SIPA1L3: variants seen among roughly 807,000 people sequenced by gnomAD.
The protein encoded by SIPA1L3 is signal induced proliferation associated 1 like 3, also known as signal-induced proliferation-associated 1-like protein 3.
A neutral mutation model predicts 150.1 loss-of-function variants in SIPA1L3; 59 were observed. The ratio of observed to expected loss-of-function variants is 0.39; its 90% CI spans 0.32 to 0.49. The LOEUF (loss-of-function observed/expected upper bound fraction) is 0.49, where lower values mean the gene tolerates loss of function less well. Ranked by LOEUF, SIPA1L3 falls within the 20% of genes least tolerant of loss-of-function variation. The pLI is 0.86. For synonymous variants in SIPA1L3, 1,070 were observed against 1,077.6 expected, an observed-to-expected ratio of 0.99 and a Z score of 0.14; for missense variants, 2,211 against 2,489.5, an observed-to-expected ratio of 0.89 and a Z score of 2.38.
At position 38,102,280 on chromosome 19, in the gene SIPA1L3, C is replaced by T. The variant is rs538105069; in HGVS notation, c.2029+1054C>T. Among the ~76,000 whole-genome samples the T allele has an allele frequency of 4.1e-5, 6 of 147,190 alleles. No homozygotes were observed. In the South Asian group the frequency reaches 1.3e-3, roughly 32 times the overall value. ...CAGGTTGGTCTTGAACTGCTGACCT[C>T]GTGATCTGCCCACCTCGGCCTCCCA... is the stretch of plus-strand genomic sequence containing the variant. On this transcript the variant is annotated intron_variant, in intron 6 of 21. Transcript: ENST00000222345.
In SIPA1L3 at chr19:38,187,768, C is replaced by T. The variant is rs912125839; in HGVS notation, c.4431-4377C>T. Among the ~76,000 whole-genome samples, 31 of 145,004 alleles carry T rather than the reference C, an allele frequency of 2.1e-4. No homozygotes were observed. The Admixed American group carries it at 2.1e-3, about 10-fold the overall frequency. On this transcript the variant is annotated intron_variant, in intron 16 of 21. Coordinates refer to ENST00000222345, the MANE Select transcript of SIPA1L3 (RefSeq NM_015073.3). ...AAGGAAAAAAAAACTTTTTTCAAGG[C>T]GAGTGGATCACCTGAGGTCAGGAGT...
At chr19:38,086,289 T>C (rs923231245) in intron 3 of SIPA1L3, among the ~76,000 whole-genome samples, 1 of 152,270 alleles carries the variant, frequency 6.6e-6, no homozygotes, top group South Asian at 2.1e-4. Context: ...TTAAAATACT[T>C]AGTTCTTTGT....
At chr19:37,941,699 C>T (rs1032451155) in intron 1 of SIPA1L3, among the ~76,000 whole-genome samples, 2 of 152,178 alleles carry the variant, frequency 1.3e-5, no homozygotes, top group African/African-American at 2.4e-5. Context: ...CTCTCTCTTT[C>T]CCCTGTCGTG....
intron 1 of SIPA1L3, among the ~76,000 whole-genome samples, chr19:37,985,197 T>C (rs1484071849): frequency 3.3e-5 from 5 of 151,184 alleles, no homozygotes; most frequent in African/African-American, 9.8e-5. Flanking sequence ...ATTGTTTTTT[T>C]CTTTTTTTTT....
intron 15 of SIPA1L3, among the ~76,000 whole-genome samples, chr19:38,171,142 G>A (rs995426445): frequency 3.9e-5 from 6 of 152,062 alleles, no homozygotes; most frequent in African/African-American, 1.4e-4. Flanking sequence ...AAGATGAGGC[G>A]TGGAGAAAGT....
In SIPA1L3 at chr19:38,082,921, G is replaced by T. The variant is rs762443559; in HGVS notation, c.1356G>T (p.Pro452=). 16 of 1,612,964 alleles carry T rather than the reference G, an allele frequency of 9.9e-6. No individual in the cohort carries two copies. The highest frequency in any genetic ancestry group is 1.3e-5 in the African/African-American group (1 of 74,924). The change falls in exon 3 of 22, where the codon CCG becomes CCT. Residue 452 remains proline (P), a synonymous_variant. Coordinates refer to ENST00000222345, the MANE Select transcript of SIPA1L3 (RefSeq NM_015073.3). ...TCTCCCGGGCTTCCGTGGGCTCCCC[G>T]AGCAGCGGCGAGGGCCACCTGGCAG... ...VSFSRASVGS[P]SSGEGHLAEP...
chr19:38,034,649 T>C (rs890150138), intron 2 of SIPA1L3, among the ~76,000 whole-genome samples: 8 of 152,122 alleles, frequency 5.3e-5, no homozygotes, highest in African/African-American at 1.9e-4. Context: ...AAAAACTGTC[T>C]TGTGAATCAC....
In SIPA1L3 at chr19:37,941,685, C is replaced by T. The variant is rs1056856826; in HGVS notation, c.-379+34327C>T. 9.8e-5 allele frequency among the ~76,000 whole-genome samples: 15 copies of T among 152,304 alleles called. No homozygotes were observed. In the East Asian group the frequency reaches 2.9e-3, roughly 29 times the overall value. ...GTAATGAGACTGTGGACATTCCCAT[C>T]TTTCTCTCTCTTTCCCCTGTCGTGC... On this transcript the variant is annotated intron_variant, in intron 1 of 21. Transcript: ENST00000222345.
intron 1 of SIPA1L3, among the ~76,000 whole-genome samples, chr19:37,997,881 AG>A (rs1434500401): frequency 6.6e-6 from 1 of 150,938 alleles, no homozygotes; most frequent in African/African-American, 2.4e-5. Flanking sequence ...AAAAAAAAAA[AG>A]AAAAGAAAAA....
chr19:38,149,608 CT>C (rs1433271462), intron 12 of SIPA1L3, among the ~76,000 whole-genome samples: 1 of 152,208 alleles, frequency 6.6e-6, no homozygotes, highest in East Asian at 1.9e-4. Flanking sequence ...GCCCCCCCTC[CT>C]TGATGTATTG....
At chr19:37,995,284 A>G (rs1365379896) in intron 1 of SIPA1L3, among the ~76,000 whole-genome samples, 3 of 152,108 alleles carry the variant, frequency 2.0e-5, no homozygotes, top group Non-Finnish European at 4.4e-5. Flanking sequence ...CTAGACAACC[A>G]AGTGTCTGCT....
intron 15 of SIPA1L3, among the ~76,000 whole-genome samples, chr19:38,170,615 G>A (rs868269815): frequency 1.3e-5 from 2 of 152,190 alleles, no homozygotes; most frequent in Admixed American, 6.5e-5. Context: ...CAGGGAGCTG[G>A]AACAGGCAGA....
At position 38,204,216 on chromosome 19, in the gene SIPA1L3, CG is replaced by C; in HGVS notation, c.5202+13del. ...CACACTGACCTGCAGAAGGTAAGGC[CG>C]GGGGCCACGCCCTCTCCATCCCACT... On this transcript the variant is annotated intron_variant, in intron 21 of 21. Transcript: ENST00000222345. 6.4e-7 allele frequency: 1 copy of C among 1,551,404 alleles called. No individual in the cohort carries two copies. The highest frequency in any genetic ancestry group is 1.2e-5 in the South Asian group (1 of 84,348).
intron 1 of SIPA1L3, among the ~76,000 whole-genome samples, chr19:37,972,040 C>T (rs1363944781): frequency 1.3e-5 from 2 of 152,040 alleles, no homozygotes; most frequent in African/African-American, 2.4e-5. Flanking sequence ...ATGCTATAAA[C>T]ATTCATATAT....
intron 10 of SIPA1L3, 73 bp from the exon 11 acceptor site, chr19:38,141,111 A>T (rs1338896030): frequency 4.8e-6 from 7 of 1,456,912 alleles, no homozygotes. Context: ...GGGCCAGGAA[A>T]ACCCAGCCTA....
intron 1 of SIPA1L3, among the ~76,000 whole-genome samples, chr19:37,940,349 C>CT (rs1471701822): frequency 6.6e-6 from 1 of 151,980 alleles, no homozygotes; most frequent in Non-Finnish European, 1.5e-5. Context: ...CATGACCACT[C>CT]TGTTTTCTTC....
intron 1 of SIPA1L3, among the ~76,000 whole-genome samples, chr19:37,938,449 C>T (rs920344433): frequency 1.3e-5 from 2 of 152,112 alleles, no homozygotes; most frequent in African/African-American, 2.4e-5. Flanking sequence ...ATCCTTGTCA[C>T]ATTTGGTTTT....
chr19:38,042,193 A>T (rs1968941757), intron 2 of SIPA1L3, among the ~76,000 whole-genome samples: 1 of 152,176 alleles, frequency 6.6e-6, no homozygotes, highest in Non-Finnish European at 1.5e-5. Flanking sequence ...TCTTACATTT[A>T]GGTCTTTTAT....
chr19:38,155,084 G>T (rs544007260), intron 13 of SIPA1L3, among the ~76,000 whole-genome samples: 1 of 152,014 alleles, frequency 6.6e-6, no homozygotes, highest in Non-Finnish European at 1.5e-5. Context: ...TTATAAGAAG[G>T]TGCCAAACTG....
Sources: allele counts gnomAD v4.1 joint callset (sites outside exome capture counted in the v4.1 genomes callset), GRCh38; gene constraint gnomAD v4.1.1; transcripts MANE v1.5; gene names NCBI Gene and HGNC (gene_info 2026-07-23, HGNC 2026-07-21).